Variants in MRPL42 observed in about 807,000 individuals in gnomAD.
The protein encoded by MRPL42 is large ribosomal subunit protein mL42.
Under a neutral mutation model 17.9 loss-of-function variants are expected in MRPL42, and 17 were observed. The observed-to-expected ratio is 0.95, with a 90% CI of 0.65 to 1.42. The LOEUF (loss-of-function observed/expected upper bound fraction) is 1.42, where lower values mean the gene tolerates loss of function less well. Ranked by LOEUF, MRPL42 falls within the 40% of genes most tolerant of loss-of-function variation. The pLI, the probability that MRPL42 is intolerant of heterozygous loss-of-function variation, is 0.00. For synonymous variants in MRPL42, 59 were observed against 54.4 expected (o/e 1.08, Z -0.37); for missense variants, 177 against 175.2 (o/e 1.01, Z -0.06).
At chr12:93,486,166 T>A (rs918928378) in intron 4 of MRPL42, among the ~76,000 whole-genome samples, 5 of 152,066 alleles carry the variant, frequency 3.3e-5, no homozygotes, top group Non-Finnish European at 7.4e-5. Flanking sequence ...GAGTCACTAT[T>A]ACTGGTGGAA....
At chr12:93,480,928 G>A (rs1972451) in intron 4 of MRPL42, among the ~76,000 whole-genome samples, 99,908 of 152,038 alleles carry the variant, frequency 0.66, 33,007 homozygotes, top group Middle Eastern at 0.71. Context: ...TACTAATTCA[G>A]TGCCTCTTTT....
At chr12:93,487,215 G>A (rs778572867) in intron 4 of MRPL42, among the ~76,000 whole-genome samples, 20 of 152,086 alleles carry the variant, frequency 1.3e-4, no homozygotes, top group Non-Finnish European at 2.6e-4. Flanking sequence ...CTCCTGCCTT[G>A]GTTTCCCAAA....
At chr12:93,489,256 C>T (rs1399580154) in intron 5 of MRPL42, among the ~76,000 whole-genome samples, 7 of 152,012 alleles carry the variant, frequency 4.6e-5, no homozygotes, top group Admixed American at 4.6e-4. Context: ...GGGTAAACTT[C>T]ACAGATAGAG....
chr12:93,487,664 A>G lies in MRPL42; in HGVS notation c.383+4A>G, dbSNP rs1396604808. On this transcript the variant is annotated splice_donor_region_variant and intron_variant, in intron 5 of 5. Transcript: ENST00000549982. ...ACCGTTGGTATCCTCATGGACGGTA[A>G]GTTTTCTTTTCTTTTCTTCAATCCC... 6 of 1,595,808 alleles carry G rather than the reference A, an allele frequency of 3.8e-6. No homozygotes were observed. Among genetic ancestry groups the G allele is most frequent in the Non-Finnish European group, 5.1e-6 (6 of 1,171,774 alleles).
rs1953607880 is a variant in MRPL42 at position 93,502,292 on chromosome 12, A to G, written c.*1071A>G. On this transcript the variant is annotated 3_prime_UTR_variant, in exon 6 of 6. Transcript: ENST00000549982. The stretch of plus-strand genomic sequence containing the variant: ...GTTAATAGATAATTCTGCTGCCTCT[A>G]TTAGCTTATGTATGATCCTTAATAG... 6.6e-6 allele frequency: 1 copy of G among 152,202 alleles called. No homozygotes were observed. Among genetic ancestry groups the G allele is most frequent in the Admixed American group, 6.6e-5 (1 of 15,264 alleles). The allele number at this position is 152,202 out of a possible 1,614,324, so 9.4% of individuals were successfully genotyped here.
chr12:93,483,322 T>C (rs1880553857), intron 4 of MRPL42, among the ~76,000 whole-genome samples: 1 of 152,106 alleles, frequency 6.6e-6, no homozygotes. Context: ...TTCTGAGAAA[T>C]GCATTGTTAG....
intron 4 of MRPL42, among the ~76,000 whole-genome samples, chr12:93,481,728 G>A (rs1880474828): frequency 6.6e-6 from 1 of 152,118 alleles, no homozygotes; most frequent in South Asian, 2.1e-4. Context: ...CTAATTACCA[G>A]TAATTGCTAC....
chr12:93,488,940 C>T (rs1953362410), intron 5 of MRPL42, among the ~76,000 whole-genome samples: 1 of 152,012 alleles, frequency 6.6e-6, no homozygotes, highest in African/African-American at 2.4e-5. Flanking sequence ...ATCCTCCTTC[C>T]TCAGCCTCCT....
At chr12:93,489,375 TAAG>T (rs1361046981) in intron 5 of MRPL42, among the ~76,000 whole-genome samples, 1 of 152,130 alleles carries the variant, frequency 6.6e-6, no homozygotes, top group Admixed American at 6.6e-5. Context: ...TTTCCTGTCT[TAAG>T]AAGCCCCTTT....
In MRPL42 at chr12:93,474,265, TG is replaced by T. The variant is rs764038750; in HGVS notation, c.71-2688del. Among the ~76,000 whole-genome samples, 14 of 152,102 alleles carry T rather than the reference TG, an allele frequency of 9.2e-5. No homozygotes were observed. The East Asian group carries it at 2.1e-3, about 23-fold the overall frequency. The stretch of plus-strand genomic sequence containing the variant: ...TGGTTTATATTCAGAGATACAAAAT[TG>T]TTTTTTTTTAATTTATATTTTTTAT... On this transcript the variant is annotated intron_variant, in intron 2 of 5. Transcript: ENST00000549982.
chr12:93,477,007 G>T lies in MRPL42; in HGVS notation c.124G>T (p.Asp42Tyr). Residue 42 changes from aspartate to tyrosine, a missense_variant, in exon 3 of 6, where the codon GAC becomes TAC. Asp to Tyr is a radical substitution (Grantham distance 160). Coordinates refer to ENST00000549982, the MANE Select transcript of MRPL42 (RefSeq NM_014050.4). ...HKSTYSPLPD[D>Y]YNCNVELALT... The stretch of plus-strand genomic sequence containing the variant: ...ATCTACGTATTCTCCTCTACCAGAT[G>T]ACTATAATTGGTATGTATTAAAATT... 1 of 1,590,414 alleles carries T rather than the reference G, an allele frequency of 6.3e-7. No individual in the cohort carries two copies. The highest frequency in any genetic ancestry group is 1.1e-5 in the South Asian group (1 of 89,476).
chr12:93,495,287 G>C (rs935497754), intron 5 of MRPL42, among the ~76,000 whole-genome samples: 3 of 152,094 alleles, frequency 2.0e-5, no homozygotes, highest in Admixed American at 6.6e-5. Context: ...ATATTAGAAG[G>C]AATACTTTAT....
chr12:93,471,698 A>G (rs1049356603), intron 2 of MRPL42, among the ~76,000 whole-genome samples: 1 of 152,226 alleles, frequency 6.6e-6, no homozygotes, highest in Non-Finnish European at 1.5e-5. Context: ...CATTTATTAC[A>G]TTATATTCAA....
At position 93,512,573 on chromosome 12, in the gene MRPL42, G is replaced by A. The variant is rs146242056; in HGVS notation, c.*11352G>A. 7.5e-4 allele frequency: 114 copies of A among 152,706 alleles called. No individual in the cohort carries two copies. Among genetic ancestry groups the A allele is most frequent in the African/African-American group, 2.6e-3 (110 of 41,564 alleles). The allele number at this position is 152,706 out of a possible 1,614,324, so 9.5% of individuals were successfully genotyped here. A position where few individuals can be genotyped will look rare whatever the true frequency, so the allele number is the denominator to read the frequency against. On this transcript the variant is annotated 3_prime_UTR_variant, in exon 6 of 6. Coordinates refer to ENST00000549982, the MANE Select transcript of MRPL42 (RefSeq NM_014050.4). ...TTCAGAATTCTTTCATACAAGGCAG[G>A]AATGCAACTTGTTTTTTAATGGCAG... is the stretch of plus-strand genomic sequence containing the variant.
intron 4 of MRPL42, among the ~76,000 whole-genome samples, chr12:93,485,253 C>T (rs1296125397): frequency 6.7e-6 from 1 of 149,932 alleles, no homozygotes; most frequent in East Asian, 2.0e-4. Flanking sequence ...GCCTCAGCTT[C>T]CCAGGCTTAA....
intron 4 of MRPL42, among the ~76,000 whole-genome samples, chr12:93,486,860 C>T (rs1463440371): frequency 5.3e-5 from 8 of 151,348 alleles, no homozygotes; most frequent in Admixed American, 1.3e-4. Context: ...GACACGGTCT[C>T]GCTGTGTTGC....
chr12:93,499,818 G>A (rs1171749590), intron 5 of MRPL42, among the ~76,000 whole-genome samples: 1 of 152,030 alleles, frequency 6.6e-6, no homozygotes, highest in Non-Finnish European at 1.5e-5. Context: ...GAAACCTGAA[G>A]CAAAAAAATG....
rs545974932 is a variant in MRPL42 at position 93,505,336 on chromosome 12, G to T, written c.*4115G>T. Reference sequence around the variant, plus strand: ...CACTTCAGGTAAACCCTTACTCAAAGAATACTTTTTCAGTTTCAATGTGTA... The same window carrying T: ...CACTTCAGGTAAACCCTTACTCAAATAATACTTTTTCAGTTTCAATGTGTA... On this transcript the variant is annotated 3_prime_UTR_variant, in exon 6 of 6. Transcript: ENST00000549982. 1 of 152,264 alleles carries T rather than the reference G, an allele frequency of 6.6e-6. No homozygotes were observed. Among genetic ancestry groups the T allele is most frequent in the East Asian group, 1.9e-4 (1 of 5,184 alleles). The allele number at this position is 152,264 out of a possible 1,614,324, so 9.4% of individuals were successfully genotyped here. A position where few individuals can be genotyped will look rare whatever the true frequency, so the allele number is the denominator to read the frequency against.
Position 93,511,965 on chromosome 12 carries a change from T to G in MRPL42, c.*10744T>G, listed in dbSNP as rs977811003. ...TGAACTGTACAGTGTGTTCAGTGAC[T>G]TAGTAAAGAACATAACTTGTGTAAA... On this transcript the variant is annotated 3_prime_UTR_variant, in exon 6 of 6. Transcript: ENST00000549982. 1.3e-5 allele frequency: 2 copies of G among 152,212 alleles called. No individual in the cohort carries two copies. The highest frequency in any genetic ancestry group is 1.5e-5 in the Non-Finnish European group (1 of 68,036). The allele number at this position is 152,212 out of a possible 1,614,324, so 9.4% of individuals were successfully genotyped here. A position where few individuals can be genotyped will look rare whatever the true frequency, so the allele number is the denominator to read the frequency against.
Sources: gnomAD v4.1 joint callset for allele counts (sites outside exome capture counted in the v4.1 genomes callset) on GRCh38, gnomAD v4.1.1 for gene constraint, MANE v1.5 for transcripts, NCBI Gene and HGNC (gene_info 2026-07-23, HGNC 2026-07-21) for gene names.